The following NACC1 variants were observed in gnomAD, a reference collection of about 807,000 sequenced individuals.
NACC1 encodes nucleus accumbens associated 1, also known as nucleus accumbens-associated protein 1.
In NACC1, 6 loss-of-function variants were observed where a neutral mutation model predicts 41.7. The observed-to-expected ratio is 0.14, with a 90% CI of 0.08 to 0.28. The LOEUF (loss-of-function observed/expected upper bound fraction) is 0.28. Among genes scored for constraint, NACC1 ranks in the 10% least tolerant of loss-of-function variants. The pLI is 1.00. For missense variants in NACC1, 434 were observed against 763.7 expected, an observed-to-expected ratio of 0.57 and a Z score of 5.09; for synonymous variants, 338 against 330.6, an observed-to-expected ratio of 1.02 and a Z score of -0.24.
chr19:13,128,834 C>T (rs2145617570), intron 1 of NACC1, among the ~76,000 whole-genome samples: 1 of 152,344 alleles, frequency 6.6e-6, no homozygotes, highest in South Asian at 2.1e-4. Context: ...GTGCTGTGCC[C>T]TTGGGTCTCA....
Position 13,137,440 on chromosome 19 carries a change from A to T in NACC1, c.1227-38A>T. Reference sequence around the variant, plus strand: ...TTTCCCCATGTCCCCCCCACCACCAACTTGAGCGCTGACTCCCTCCATGTC... The same window carrying T: ...TTTCCCCATGTCCCCCCCACCACCATCTTGAGCGCTGACTCCCTCCATGTC... On this transcript the variant is annotated intron_variant, in intron 4 of 5. Coordinates refer to ENST00000292431, the MANE Select transcript of NACC1 (RefSeq NM_052876.4). This position sits in a 1 kb window ranked among gnomAD's most constrained non-coding sequence, Gnocchi z 6.1. 5 of 1,611,406 alleles carry T rather than the reference A, an allele frequency of 3.1e-6. No homozygotes were observed. The highest frequency in any genetic ancestry group is 4.2e-6 in the Non-Finnish European group (5 of 1,178,812).
chr19:13,126,336 T>C (rs888159238), intron 1 of NACC1, among the ~76,000 whole-genome samples: 21 of 152,044 alleles, frequency 1.4e-4, no homozygotes, highest in African/African-American at 4.1e-4. Context: ...CAGGCGTGAG[T>C]CACCGTGCCC....
At chr19:13,118,667 G>C (rs1195058597) in intron 1 of NACC1, among the ~76,000 whole-genome samples, 1 of 151,428 alleles carries the variant, frequency 6.6e-6, no homozygotes, top group African/African-American at 2.4e-5. Context: ...CGGCAGGATC[G>C]TACCTGGACC....
intron 1 of NACC1, among the ~76,000 whole-genome samples, chr19:13,128,418 G>C (rs377178806): frequency 2.6e-5 from 4 of 152,182 alleles, no homozygotes; most frequent in African/African-American, 9.7e-5. Context: ...TAATACCACC[G>C]TTATGACCTC....
At chr19:13,119,529 C>T (rs1420013273) in intron 1 of NACC1, among the ~76,000 whole-genome samples, 1 of 152,102 alleles carries the variant, frequency 6.6e-6, no homozygotes, top group Non-Finnish European at 1.5e-5. Flanking sequence ...CCTTTTGTGG[C>T]CAGAAGCTGG....
At chr19:13,125,699 C>T (rs892347939) in intron 1 of NACC1, among the ~76,000 whole-genome samples, 3 of 152,022 alleles carry the variant, frequency 2.0e-5, no homozygotes, top group Non-Finnish European at 2.9e-5. Context: ...GGATTACAGG[C>T]GTGAGCCACT....
At chr19:13,127,367 T>A (rs1599988430) in intron 1 of NACC1, among the ~76,000 whole-genome samples, 4 of 102,328 alleles carry the variant, frequency 3.9e-5, no homozygotes, top group East Asian at 6.0e-4. Context: ...TACATATACA[T>A]ATACTTTTTT....
intron 1 of NACC1, among the ~76,000 whole-genome samples, chr19:13,118,671 C>T (rs538100064): frequency 1.2e-4 from 18 of 151,668 alleles, no homozygotes; most frequent in Non-Finnish European, 2.2e-4. Flanking sequence ...AGGATCGTAC[C>T]TGGACCGCTC....
chr19:13,127,860 G>A (rs529926136), intron 1 of NACC1, among the ~76,000 whole-genome samples: 1 of 152,080 alleles, frequency 6.6e-6, no homozygotes, highest in South Asian at 2.1e-4. Flanking sequence ...AAGCAAAAGA[G>A]TAGAGAAAGG....
rs770591351 is a variant in NACC1, at chr19:13,138,452, C to T, written c.*46C>T. On this transcript the variant is annotated 3_prime_UTR_variant, in exon 6 of 6. Transcript: ENST00000292431. The surrounding 1 kb of genome is among the most constrained non-coding windows in gnomAD (Gnocchi z 5.7). ...GCCACACACTTCCCCTCCCAACACA[C>T]ACACACACCTGCCATCTTGGTCATG... 10 of 1,591,954 alleles carry T rather than the reference C, an allele frequency of 6.3e-6. No homozygotes were observed. The highest frequency in any genetic ancestry group is 7.7e-6 in the Non-Finnish European group (9 of 1,173,542).
intron 1 of NACC1, among the ~76,000 whole-genome samples, chr19:13,127,246 G>T (rs935779936): frequency 1.4e-5 from 2 of 147,142 alleles, no homozygotes; most frequent in Admixed American, 1.4e-4. Context: ...GCCTATAATC[G>T]CAGGGTTTTG....
upstream of NACC1, chr19:13,116,870 C>T (rs2019389766): frequency 5.5e-6 from 1 of 182,822 alleles, no homozygotes; most frequent in Non-Finnish European, 1.2e-5. Context: ...CAGTGGATCC[C>T]CTGGGAGAGG....
intron 1 of NACC1, among the ~76,000 whole-genome samples, chr19:13,128,957 A>T (rs908156611): frequency 1.3e-5 from 2 of 152,106 alleles, no homozygotes; most frequent in South Asian, 4.1e-4. Context: ...GGGTGCTGAT[A>T]TGCTGAATTT....
rs2019730701 is a variant in NACC1, at chr19:13,138,019, C to T, written c.1325-128C>T. Reference sequence around the variant, plus strand: ...GGGTTGGGTGCACGTAGTGTGGTGTCCTGGCCGCGTGGCCTCACTCGTTTC... The same window carrying T: ...GGGTTGGGTGCACGTAGTGTGGTGTTCTGGCCGCGTGGCCTCACTCGTTTC... On this transcript the variant is annotated intron_variant, in intron 5 of 5. Coordinates refer to ENST00000292431, the MANE Select transcript of NACC1 (RefSeq NM_052876.4). This position sits in a 1 kb window ranked among gnomAD's most constrained non-coding sequence, Gnocchi z 5.7. 4 of 1,380,934 alleles carry T rather than the reference C, an allele frequency of 2.9e-6. No homozygotes were observed. The Admixed American group carries it at 5.5e-5, about 19-fold the overall frequency. 85.5% of individuals were successfully genotyped at this position (1,380,934 alleles called of 1,614,324 possible).
intron 1 of NACC1, among the ~76,000 whole-genome samples, chr19:13,130,088 T>A (rs1364044991): frequency 6.6e-6 from 1 of 152,068 alleles, no homozygotes; most frequent in Non-Finnish European, 1.5e-5. Flanking sequence ...TTGCTTTTTT[T>A]GTTTTAGAGA....
intron 1 of NACC1, among the ~76,000 whole-genome samples, chr19:13,123,931 C>T (rs1330252666): frequency 6.6e-6 from 1 of 152,172 alleles, no homozygotes; most frequent in Non-Finnish European, 1.5e-5. Context: ...CTCATTTCTT[C>T]CTCAGAAACT....
intron 1 of NACC1, chr19:13,131,829 A>G (rs1000492182): frequency 3.3e-5 from 5 of 152,208 alleles, no homozygotes; most frequent in African/African-American, 9.7e-5. Context: ...TGGTAGGGGC[A>G]GCAGATAGCT....
chr19:13,121,372 A>G (rs1181028187), intron 1 of NACC1, among the ~76,000 whole-genome samples: 1 of 152,156 alleles, frequency 6.6e-6, no homozygotes, highest in Non-Finnish European at 1.5e-5. Context: ...ACCATTCACA[A>G]GAGAGTGAAG....
rs368671732 is a variant in NACC1 at position 13,139,035 on chromosome 19, TC to T, written c.*631del. 2 of 153,028 alleles carry T rather than the reference TC, an allele frequency of 1.3e-5. No homozygotes were observed. The highest frequency in any genetic ancestry group is 2.9e-5 in the Non-Finnish European group (2 of 68,812). 9.5% of individuals were successfully genotyped at this position (153,028 alleles called of 1,614,324 possible). On this transcript the variant is annotated 3_prime_UTR_variant, in exon 6 of 6. Coordinates refer to ENST00000292431, the MANE Select transcript of NACC1 (RefSeq NM_052876.4). ...GCGTGCCTGGTGCCCTTTCTCCTCT[TC>T]CGCCTCTGTTGCTCCCTTTGGTCCT...
Sources: gnomAD v4.1 joint callset for allele counts (sites outside exome capture counted in the v4.1 genomes callset) on GRCh38, gnomAD v4.1.1 for gene constraint, Gnocchi (gnomAD v3.1) non-coding constraint, MANE v1.5 for transcripts, NCBI Gene and HGNC (gene_info 2026-07-23, HGNC 2026-07-21) for gene names.